TPCN1: variants seen among roughly 807,000 people sequenced by gnomAD.
TPCN1 encodes the protein two pore segment channel 1, also known as two pore channel protein 1.
TPCN1 carries 52 observed loss-of-function variants against 108.8 expected under a neutral mutation model. The ratio of observed to expected loss-of-function variants is 0.48; its 90% CI spans 0.38 to 0.60. The LOEUF (loss-of-function observed/expected upper bound fraction) is 0.60, where lower values mean the gene tolerates loss of function less well. TPCN1 is among the 20% of genes least tolerant of loss of function. TPCN1 has a pLI of 0.00. For synonymous variants in TPCN1, 446 were observed against 433.7 expected, an observed-to-expected ratio of 1.03 and a Z score of -0.35; for missense variants, 806 against 1,072.8, an observed-to-expected ratio of 0.75 and a Z score of 3.47.
In TPCN1 at chr12:113,266,651, C is replaced by T. The variant is rs943071072; in HGVS notation, c.414+295C>T. ...ACACCTTGGCTCCGGGTGGGGAGGG[C>T]ACCCAGTGGACAGTCCCACTACTCT... On this transcript the variant is annotated intron_variant, in intron 4 of 27. Coordinates refer to ENST00000335509, the MANE Select transcript of TPCN1 (RefSeq NM_017901.6). This position sits in a 1 kb window ranked among gnomAD's most constrained non-coding sequence, Gnocchi z 4.2. Among the ~76,000 whole-genome samples, 1 of 152,164 alleles carries T rather than the reference C, an allele frequency of 6.6e-6. No homozygotes were observed. The highest frequency in any genetic ancestry group is 6.5e-5 in the Admixed American group (1 of 15,286).
At position 113,269,984 on chromosome 12, in the gene TPCN1, T is replaced by A; in HGVS notation, c.748+139T>A. 1.2e-6 allele frequency: 1 copy of A among 846,660 alleles called. No homozygotes were observed. Among genetic ancestry groups the A allele is most frequent in the Non-Finnish European group, 1.9e-6 (1 of 533,682 alleles). The allele number at this position is 846,660 out of a possible 1,614,324, so 52.4% of individuals were successfully genotyped here. On this transcript the variant is annotated intron_variant, in intron 7 of 27. Transcript: ENST00000335509. The surrounding 1 kb of genome is among the most constrained non-coding windows in gnomAD (Gnocchi z 5.0). ...GGCCAAGGTGGGTGGGTAACCTAGG[T>A]CAGGAGTTTGAGGCCAGCCTGGTCA...
At chr12:113,256,105 A>G (rs1954821246) in intron 2 of TPCN1, among the ~76,000 whole-genome samples, 1 of 152,060 alleles carries the variant, frequency 6.6e-6, no homozygotes, top group Non-Finnish European at 1.5e-5. Context: ...TTATAGGCAC[A>G]TGCCACTGTG....
chr12:113,264,072 A>AT (rs11333427), intron 3 of TPCN1, among the ~76,000 whole-genome samples: 2,195 of 147,926 alleles, frequency 0.015, 27 homozygotes, highest in South Asian at 0.025. Flanking sequence ...CAAGAAATAC[A>AT]TTTTTTTTTT....
chr12:113,255,054 A>G (rs1954782739), intron 2 of TPCN1, among the ~76,000 whole-genome samples: 1 of 152,274 alleles, frequency 6.6e-6, no homozygotes, highest in Non-Finnish European at 1.5e-5. Flanking sequence ...ACAGTGCCAT[A>G]AGGCAAGAAA....
At chr12:113,229,255 T>C (rs1225927237) in intron 2 of TPCN1, among the ~76,000 whole-genome samples, 1 of 152,222 alleles carries the variant, frequency 6.6e-6, no homozygotes. Flanking sequence ...AGCACATTAG[T>C]ATCTTAGTTT....
rs148717602 is a variant in TPCN1 at position 113,296,068 on chromosome 12, G to A, written c.2443G>A (p.Val815Ile). 8.7e-6 allele frequency: 14 copies of A among 1,612,692 alleles called. No homozygotes were observed. The highest frequency in any genetic ancestry group is 4.0e-5 in the African/African-American group (3 of 74,920). ...AGGCAGCCGCCAGCGCTCCCAGACCGTTACCTAGCCCAGCGCCCGAAAGCC... is the reference window on the plus strand; with the variant it reads ...AGGCAGCCGCCAGCGCTCCCAGACCATTACCTAGCCCAGCGCCCGAAAGCC... ...PPGSRQRSQT[V>I]T The change falls in exon 28 of 28, where the codon GTT becomes ATT. Residue 815 changes from valine (V) to isoleucine (I), a missense_variant. Physicochemically the swap from Val to Ile is conservative, Grantham distance 29 (BLOSUM62 3). Transcript: ENST00000335509.
chr12:113,272,842 C>T lies in TPCN1; in HGVS notation c.783+150C>T. 3 of 811,384 alleles carry T rather than the reference C, an allele frequency of 3.7e-6. No homozygotes were observed. The highest frequency in any genetic ancestry group is 3.9e-5 in the Admixed American group (2 of 51,024). 50.3% of individuals were successfully genotyped at this position (811,384 alleles called of 1,614,324 possible). On this transcript the variant is annotated intron_variant, in intron 8 of 27. Coordinates refer to ENST00000335509, the MANE Select transcript of TPCN1 (RefSeq NM_017901.6). This position sits in a 1 kb window ranked among gnomAD's most constrained non-coding sequence, Gnocchi z 4.1. ...TGTGTGTGCATTGCACCTGGGAGTT[C>T]CCATCACTCAGACTTGACCACTTTC...
chr12:113,274,727 A>C (rs1955616274), intron 10 of TPCN1, among the ~76,000 whole-genome samples: 1 of 152,230 alleles, frequency 6.6e-6, no homozygotes, highest in South Asian at 2.1e-4. Flanking sequence ...CCGTGGAGGT[A>C]GTGAGTATGG....
intron 14 of TPCN1, among the ~76,000 whole-genome samples, chr12:113,279,455 C>T (rs1270032171): frequency 1.6e-4 from 20 of 126,390 alleles, no homozygotes; most frequent in Admixed American, 5.8e-4. Context: ...GCTGGAGTGC[C>T]GTGGTGCGAT....
In TPCN1 at chr12:113,296,469, T is replaced by G; in HGVS notation, c.*393T>G. 5.2e-6 allele frequency: 1 copy of G among 191,134 alleles called. No homozygotes were observed. 11.8% of individuals were successfully genotyped at this position (191,134 alleles called of 1,614,324 possible). A position where few individuals can be genotyped will look rare whatever the true frequency, so the allele number is the denominator to read the frequency against. ...CTCACATCCCCCCGACCTGATGGCG[T>G]GCCCGCCCCCTCTCCCTGCGGCCCA... On this transcript the variant is annotated 3_prime_UTR_variant, in exon 28 of 28. Coordinates refer to ENST00000335509, the MANE Select transcript of TPCN1 (RefSeq NM_017901.6).
At chr12:113,240,362 G>T (rs908629669) in intron 2 of TPCN1, among the ~76,000 whole-genome samples, 1 of 152,184 alleles carries the variant, frequency 6.6e-6, no homozygotes, top group Non-Finnish European at 1.5e-5. Flanking sequence ...GTCTACAACG[G>T]TTGAACATTT....
At chr12:113,223,452 TG>T (rs1566127842) in intron 1 of TPCN1, among the ~76,000 whole-genome samples, 1 of 150,986 alleles carries the variant, frequency 6.6e-6, no homozygotes, top group African/African-American at 2.4e-5. Flanking sequence ...TTTTTTTTTT[TG>T]GTTCTTCTCA....
intron 15 of TPCN1, among the ~76,000 whole-genome samples, chr12:113,282,753 CT>C (rs891346584): frequency 1.1e-4 from 17 of 148,206 alleles, no homozygotes; most frequent in African/African-American, 3.0e-4. Context: ...TGAGACCCCC[CT>C]ATCTCAAGAA....
Position 113,269,248 on chromosome 12 carries a change from G to A in TPCN1, c.659+376G>A, listed in dbSNP as rs141988140. 1.3e-5 allele frequency among the ~76,000 whole-genome samples: 2 copies of A among 152,258 alleles called. No individual in the cohort carries two copies. The highest frequency in any genetic ancestry group is 1.9e-4 in the East Asian group (1 of 5,178). ...CCAAACTCAAACCAGACCAAGCCTC[G>A]ACTGAGATTTATTTTGGGAGACTCA... On this transcript the variant is annotated intron_variant, in intron 6 of 27. Coordinates refer to ENST00000335509, the MANE Select transcript of TPCN1 (RefSeq NM_017901.6). The surrounding 1 kb of genome is among the most constrained non-coding windows in gnomAD (Gnocchi z 5.0).
At position 113,268,079 on chromosome 12, in the gene TPCN1, C is replaced by A; in HGVS notation, c.528+123C>A. 1.3e-6 allele frequency: 1 copy of A among 743,036 alleles called. No homozygotes were observed. The highest frequency in any genetic ancestry group is 1.7e-5 in the South Asian group (1 of 60,304). 46.0% of individuals were successfully genotyped at this position (743,036 alleles called of 1,614,324 possible). A position where few individuals can be genotyped will look rare whatever the true frequency, so the allele number is the denominator to read the frequency against. ...CCAGTCCATGCTCAGAGGTGTAACC[C>A]TAGGGTCCCTGTCCTGACCGTGCCC... On this transcript the variant is annotated intron_variant, in intron 5 of 27. Transcript: ENST00000335509. The surrounding 1 kb of genome is among the most constrained non-coding windows in gnomAD (Gnocchi z 7.3).
intron 2 of TPCN1, among the ~76,000 whole-genome samples, chr12:113,242,992 A>G (rs1954210891): frequency 6.6e-6 from 1 of 152,242 alleles, no homozygotes; most frequent in African/African-American, 2.4e-5. Context: ...AACACCTAGC[A>G]CAATGCCTGG....
chr12:113,269,656 T>C lies in TPCN1; in HGVS notation c.660-101T>C. 1.0e-6 allele frequency: 1 copy of C among 992,432 alleles called. No homozygotes were observed. Among genetic ancestry groups the C allele is most frequent in the Non-Finnish European group, 1.5e-6 (1 of 649,440 alleles). The allele number at this position is 992,432 out of a possible 1,614,324, so 61.5% of individuals were successfully genotyped here. A position where few individuals can be genotyped will look rare whatever the true frequency, so the allele number is the denominator to read the frequency against. On this transcript the variant is annotated intron_variant, in intron 6 of 27. Coordinates refer to ENST00000335509, the MANE Select transcript of TPCN1 (RefSeq NM_017901.6). The surrounding 1 kb of genome is among the most constrained non-coding windows in gnomAD (Gnocchi z 5.0). ...CACACCAGAGTGCGTCAGGGTTTAG[T>C]ATTTCGAGTCAGAAGCACTAGGCCT... is the stretch of plus-strand genomic sequence containing the variant.
intron 3 of TPCN1, among the ~76,000 whole-genome samples, chr12:113,264,249 C>G (rs1466235333): frequency 2.6e-5 from 4 of 152,122 alleles, no homozygotes; most frequent in Non-Finnish European, 4.4e-5. Context: ...ACATGCCTGC[C>G]CCTGCCGGGT....
At chr12:113,260,063 T>C (rs1954967553) in intron 2 of TPCN1, among the ~76,000 whole-genome samples, 1 of 152,272 alleles carries the variant, frequency 6.6e-6, no homozygotes, top group South Asian at 2.1e-4. Context: ...TTCCTGTGTT[T>C]CTTTTGGTAA....
Sources: gnomAD v4.1 joint callset for allele counts (sites outside exome capture counted in the v4.1 genomes callset) on GRCh38, gnomAD v4.1.1 for gene constraint, Gnocchi (gnomAD v3.1) non-coding constraint, MANE v1.5 for transcripts, NCBI Gene and HGNC (gene_info 2026-07-23, HGNC 2026-07-21) for gene names.